CSMD1: variants seen among roughly 807,000 people sequenced by gnomAD.
CSMD1 encodes the protein CUB and sushi domain-containing protein 1.
CSMD1 carries 213 observed loss-of-function variants against 417.5 expected under a neutral mutation model. The ratio of observed to expected loss-of-function variants is 0.51; its 90% CI spans 0.46 to 0.57. CSMD1 has a LOEUF of 0.57. CSMD1 is among the 20% of genes least tolerant of loss of function. CSMD1 has a pLI of 0.00. For missense variants in CSMD1, 6,923 were observed against 4,529.7 expected (o/e 1.53, Z -15.17); for synonymous variants, 2,862 against 1,736.8 (o/e 1.65, Z -16.11).
At chr8:3,112,503 C>G (rs978797073) in intron 42 of CSMD1, among the ~76,000 whole-genome samples, 1 of 152,158 alleles carries the variant, frequency 6.6e-6, no homozygotes, top group Non-Finnish European at 1.5e-5. Context: ...ATTATTTATG[C>G]CACTGAATAC....
At chr8:4,001,370 T>G (rs1043922230) in intron 4 of CSMD1, among the ~76,000 whole-genome samples, 7 of 152,256 alleles carry the variant, frequency 4.6e-5, no homozygotes, top group Admixed American at 4.6e-4. Flanking sequence ...GCCCCCTGGT[T>G]TCTCCACTGC....
intron 10 of CSMD1, among the ~76,000 whole-genome samples, chr8:3,559,381 C>T (rs934132325): frequency 1.3e-5 from 2 of 152,144 alleles, no homozygotes; most frequent in Non-Finnish European, 2.9e-5. Flanking sequence ...GGAAGAAATA[C>T]TAAGTAGCCA....
intron 2 of CSMD1, among the ~76,000 whole-genome samples, chr8:4,481,457 T>C (rs1029095350): frequency 6.6e-6 from 1 of 152,214 alleles, no homozygotes; most frequent in Non-Finnish European, 1.5e-5. Flanking sequence ...GGAGATAAAA[T>C]AATGATGTGT....
chr8:3,499,854 T>G lies in CSMD1; in HGVS notation c.1345-6128A>C, dbSNP rs151076250. Among the ~76,000 whole-genome samples, 392 of 152,216 alleles carry G rather than the reference T, an allele frequency of 2.6e-3. 1 individual carries two copies. Among genetic ancestry groups the G allele is most frequent in the Non-Finnish European group, 4.0e-3 (272 of 67,996 alleles). On this transcript the variant is annotated intron_variant, in intron 10 of 69. Coordinates refer to ENST00000635120, the MANE Select transcript of CSMD1 (RefSeq NM_033225.6). ...TGGGCAGGATGTACTCTGATAGTTC[T>G]TCTGTCCTGAAAATGGCACCATGCT...
intron 25 of CSMD1, among the ~76,000 whole-genome samples, chr8:3,306,706 G>C (rs1281433280): frequency 2.6e-5 from 4 of 152,088 alleles, no homozygotes; most frequent in African/African-American, 4.8e-5. Flanking sequence ...AAAAGGATTG[G>C]TTAGGACTGT....
intron 12 of CSMD1, among the ~76,000 whole-genome samples, chr8:3,439,294 T>TATATAA (rs1554552654): frequency 2.1e-5 from 1 of 48,150 alleles, no homozygotes; most frequent in African/African-American, 1.5e-4. Flanking sequence ...TATATATATA[T>TATATAA]ATATATATAT....
chr8:4,834,465 G>A (rs1045476910), intron 1 of CSMD1, among the ~76,000 whole-genome samples: 11 of 152,270 alleles, frequency 7.2e-5, no homozygotes, highest in Admixed American at 2.0e-4. Flanking sequence ...ATGTATTCAC[G>A]CAACTTTTAG....
At chr8:3,323,978 CATTGTTAAAATAG>C (rs1806328347) in intron 23 of CSMD1, among the ~76,000 whole-genome samples, 1 of 140,922 alleles carries the variant, frequency 7.1e-6, no homozygotes, top group Non-Finnish European at 1.5e-5. Context: ...CACCTTTCAT[CATTGTTAAAATAG>C]ACACACATCT....
chr8:3,954,695 C>T (rs1033093155), intron 5 of CSMD1, among the ~76,000 whole-genome samples: 1 of 152,238 alleles, frequency 6.6e-6, no homozygotes, highest in Non-Finnish European at 1.5e-5. Context: ...CCCCTCTTTC[C>T]CATGATTCTT....
In CSMD1 at chr8:3,409,580, A is replaced by T; in HGVS notation, c.1587T>A (p.Asp529Glu). The T allele has an allele frequency of 6.2e-7, 1 of 1,605,522 alleles. No homozygotes were observed. Among genetic ancestry groups the T allele is most frequent in the Non-Finnish European group, 8.5e-7 (1 of 1,175,430 alleles). The change falls in exon 13 of 70, where the codon GAT (aspartate) becomes GAA (glutamate). Residue 529 changes from aspartate to glutamate, a missense_variant. Coordinates refer to ENST00000635120, the MANE Select transcript of CSMD1 (RefSeq NM_033225.6). ...GCTTCCCATAGGCGGGGATTCCAGGATCCCCACACCCTCCCTTTTCAATTT... is the reference window on the plus strand; with the variant it reads ...GCTTCCCATAGGCGGGGATTCCAGGTTCCCCACACCCTCCCTTTTCAATTT... ...YQEIEKGGCGDPGIPAYGKRT... is the reference protein window; with the variant it reads ...YQEIEKGGCGEPGIPAYGKRT...
chr8:4,404,295 T>A (rs1157670942), intron 3 of CSMD1, among the ~76,000 whole-genome samples: 1 of 152,174 alleles, frequency 6.6e-6, no homozygotes. Context: ...ATGCTGTATA[T>A]TTCAATCATG....
In CSMD1 at chr8:4,297,412, T is replaced by A. The variant is rs550169270; in HGVS notation, c.415+122541A>T. 7.9e-5 allele frequency among the ~76,000 whole-genome samples: 12 copies of A among 152,190 alleles called. No individual in the cohort carries two copies. The East Asian group carries it at 2.3e-3, about 29-fold the overall frequency. On this transcript the variant is annotated intron_variant, in intron 3 of 69. Coordinates refer to ENST00000635120, the MANE Select transcript of CSMD1 (RefSeq NM_033225.6). ...TAATTCATTTTTATTGACTAAGAAG[T>A]GAATGTTAAACGGTATTAAGGAAAA...
At chr8:3,724,554 C>G (rs1802379909) in intron 6 of CSMD1, among the ~76,000 whole-genome samples, 1 of 152,076 alleles carries the variant, frequency 6.6e-6, no homozygotes, top group African/African-American at 2.4e-5. Flanking sequence ...GCTGAATGAT[C>G]TGAGCACCCT....
chr8:3,185,839 T>C (rs56287961), intron 36 of CSMD1, among the ~76,000 whole-genome samples: 20,890 of 152,204 alleles, frequency 0.14, 1,797 homozygotes, highest in Admixed American at 0.21. Flanking sequence ...CTTAAATCTC[T>C]ACAAACTAAA....
intron 3 of CSMD1, among the ~76,000 whole-genome samples, chr8:4,396,502 A>G (rs1342171969): frequency 6.6e-6 from 1 of 152,090 alleles, no homozygotes; most frequent in Non-Finnish European, 1.5e-5. Flanking sequence ...GGATTTATCG[A>G]TTGCCAAAAG....
chr8:3,375,647 G>A (rs1319476438), intron 18 of CSMD1, among the ~76,000 whole-genome samples: 1 of 152,082 alleles, frequency 6.6e-6, no homozygotes, highest in African/African-American at 2.4e-5. Flanking sequence ...CCCCCAGTAG[G>A]AAGGAGGGGA....
chr8:3,694,878 G>C (rs551164281), intron 7 of CSMD1, among the ~76,000 whole-genome samples: 1 of 152,164 alleles, frequency 6.6e-6, no homozygotes, highest in Non-Finnish European at 1.5e-5. Flanking sequence ...ATAGAAACCT[G>C]CTGGATTCAT....
intron 3 of CSMD1, among the ~76,000 whole-genome samples, chr8:4,362,007 G>C (rs1801795950): frequency 6.6e-6 from 1 of 151,940 alleles, no homozygotes; most frequent in Non-Finnish European, 1.5e-5. Context: ...CCTATCCTTA[G>C]ATTAAGAAAA....
At chr8:3,486,739 A>C (rs925712936) in intron 11 of CSMD1, among the ~76,000 whole-genome samples, 12 of 152,202 alleles carry the variant, frequency 7.9e-5, no homozygotes, top group African/African-American at 2.9e-4. Context: ...CCCTCAAGAC[A>C]CATCCAATGG....
Sources: gnomAD v4.1 joint callset for allele counts (sites outside exome capture counted in the v4.1 genomes callset) on GRCh38, gnomAD v4.1.1 for gene constraint, MANE v1.5 for transcripts, NCBI Gene and HGNC (gene_info 2026-07-23, HGNC 2026-07-21) for gene names.